The following SLC39A11 variants were observed in gnomAD, a reference collection of about 807,000 sequenced individuals.
The protein encoded by SLC39A11 is solute carrier family 39 member 11, also known as zinc transporter ZIP11.
In SLC39A11, 33 loss-of-function variants were observed where a neutral mutation model predicts 36.1. The ratio of observed to expected loss-of-function variants is 0.91; its 90% CI spans 0.69 to 1.22. The LOEUF is 1.22. SLC39A11 is among the 50% of genes most tolerant of loss of function. The pLI is 0.00. For missense variants in SLC39A11, 432 were observed against 430.3 expected, an observed-to-expected ratio of 1.00 and a Z score of -0.03; for synonymous variants, 166 against 170.3, an observed-to-expected ratio of 0.97 and a Z score of 0.20.
At chr17:73,055,521 T>A (rs1281355305) in intron 3 of SLC39A11, among the ~76,000 whole-genome samples, 2 of 150,798 alleles carry the variant, frequency 1.3e-5, no homozygotes, top group African/African-American at 4.9e-5. Context: ...AGCCTCAACC[T>A]CCCGGGCTCA....
intron 7 of SLC39A11, among the ~76,000 whole-genome samples, chr17:72,659,574 CTTTTTTTTTTTT>C (rs34383683): frequency 3.3e-5 from 2 of 61,176 alleles, no homozygotes; most frequent in African/African-American, 1.2e-4. Context: ...CTCTGTGACT[CTTTTTTTTTTTT>C]TTTTTTTTTT....
At position 72,683,675 on chromosome 17, in the gene SLC39A11, A is replaced by G. The variant is rs140812651; in HGVS notation, c.672-34407T>C. On this transcript the variant is annotated intron_variant, in intron 7 of 9. Coordinates refer to ENST00000255559, the MANE Select transcript of SLC39A11 (RefSeq NM_139177.4). Reference sequence around the variant, plus strand: ...GAGGTCAACAGGGGATTACACACCCAATACTTGTGCCATAAAAGCTCCAAC... The same window carrying G: ...GAGGTCAACAGGGGATTACACACCCGATACTTGTGCCATAAAAGCTCCAAC... Among the ~76,000 whole-genome samples, 171 of 152,112 alleles carry G rather than the reference A, an allele frequency of 1.1e-3. 1 individual carries two copies. Among genetic ancestry groups the G allele is most frequent in the African/African-American group, 4.0e-3 (166 of 41,494 alleles).
chr17:72,893,782 G>C lies in SLC39A11; in HGVS notation c.431-43978C>G. Among the ~76,000 whole-genome samples, 2 of 152,186 alleles carry C rather than the reference G, an allele frequency of 1.3e-5. 1 individual carries two copies. On this transcript the variant is annotated intron_variant, in intron 5 of 9. Coordinates refer to ENST00000255559, the MANE Select transcript of SLC39A11 (RefSeq NM_139177.4). ...TATTCTAATAGGGTCCTAGGAAGAA[G>C]AGGGCTAAAGACACCAAGGAGGCTG...
At chr17:72,680,608 G>A (rs976002527) in intron 7 of SLC39A11, among the ~76,000 whole-genome samples, 3 of 152,198 alleles carry the variant, frequency 2.0e-5, no homozygotes, top group African/African-American at 7.2e-5. Context: ...ATGTGGAACT[G>A]TGAGTCCATT....
intron 5 of SLC39A11, among the ~76,000 whole-genome samples, chr17:72,882,215 G>A (rs1228746928): frequency 1.3e-5 from 2 of 152,032 alleles, no homozygotes; most frequent in South Asian, 4.2e-4. Flanking sequence ...CTGTAGCCAG[G>A]CATGGTGGTG....
At chr17:72,785,013 A>C (rs1308627833) in intron 6 of SLC39A11, among the ~76,000 whole-genome samples, 1 of 151,894 alleles carries the variant, frequency 6.6e-6, no homozygotes, top group Non-Finnish European at 1.5e-5. Flanking sequence ...GTACGCAGGC[A>C]TGCGCCCCCA....
chr17:73,046,136 T>C (rs2059282190), intron 3 of SLC39A11, among the ~76,000 whole-genome samples: 1 of 152,122 alleles, frequency 6.6e-6, no homozygotes, highest in Non-Finnish European at 1.5e-5. Context: ...CCTTCACTCA[T>C]CTCCCTCAAG....
chr17:73,036,935 A>C (rs1031738472), intron 3 of SLC39A11, among the ~76,000 whole-genome samples: 2 of 152,052 alleles, frequency 1.3e-5, no homozygotes, highest in Non-Finnish European at 2.9e-5. Context: ...CACTGTCTCT[A>C]TAGTTTTGCC....
intron 6 of SLC39A11, among the ~76,000 whole-genome samples, chr17:72,762,926 A>T (rs1453664780): frequency 6.6e-6 from 1 of 152,164 alleles, no homozygotes; most frequent in East Asian, 1.9e-4. Context: ...AGACCCACGT[A>T]GACCATTTGG....
chr17:73,055,786 G>A (rs972423411), intron 3 of SLC39A11, among the ~76,000 whole-genome samples: 4 of 152,124 alleles, frequency 2.6e-5, no homozygotes, highest in Middle Eastern at 3.4e-3. Context: ...GCAGCTGAGC[G>A]TCAGTCAATC....
Position 72,739,567 on chromosome 17 carries a change from T to C in SLC39A11, c.602-2848A>G, listed in dbSNP as rs572548324. ...TCAGCCACTGTGACTCCTGGGCCAC[T>C]GTCAGATTCAGAAGCCAGGTAGTCA... On this transcript the variant is annotated intron_variant, in intron 6 of 9. Transcript: ENST00000255559. 4.6e-5 allele frequency among the ~76,000 whole-genome samples: 7 copies of C among 152,334 alleles called. No homozygotes were observed. In the South Asian group the frequency reaches 1.4e-3, roughly 32 times the overall value.
At chr17:73,087,146 C>A (rs1489534889) in intron 2 of SLC39A11, among the ~76,000 whole-genome samples, 1 of 152,146 alleles carries the variant, frequency 6.6e-6, no homozygotes, top group Admixed American at 6.5e-5. Context: ...TGGCCCCTGG[C>A]AATCACCATT....
intron 5 of SLC39A11, among the ~76,000 whole-genome samples, chr17:72,876,197 C>A (rs1438689387): frequency 6.6e-6 from 1 of 152,070 alleles, no homozygotes; most frequent in Non-Finnish European, 1.5e-5. Flanking sequence ...TGCCCAAAAG[C>A]CTCCATCAAG....
chr17:72,985,052 G>C (rs9894611), intron 4 of SLC39A11, among the ~76,000 whole-genome samples: 78,657 of 151,938 alleles, frequency 0.52, 21,294 homozygotes, highest in Middle Eastern at 0.69. Context: ...AGGAGGCCCA[G>C]CCGGGCTAGA....
intron 3 of SLC39A11, among the ~76,000 whole-genome samples, chr17:73,036,987 C>T (rs547679598): frequency 7.1e-6 from 1 of 141,394 alleles, no homozygotes; most frequent in African/African-American, 2.6e-5. Context: ...CAGCATGGAA[C>T]CTTTCCAGAT....
chr17:72,708,898 G>A (rs567865636), intron 7 of SLC39A11, among the ~76,000 whole-genome samples: 3 of 151,990 alleles, frequency 2.0e-5, no homozygotes, highest in South Asian at 4.2e-4. Flanking sequence ...TTTGCCTTTG[G>A]CTCTGTTTTC....
rs1425358899 is a variant in SLC39A11 at position 73,047,991 on chromosome 17, ATATATATATATATATAT to A, written c.148-16294_148-16278del. 5.1e-3 allele frequency among the ~76,000 whole-genome samples: 183 copies of A among 35,938 alleles called. 2 individuals carry two copies. The highest frequency in any genetic ancestry group is 5.7e-3 in the African/African-American group (53 of 9,304). 23.6% of individuals were successfully genotyped at this position (35,938 alleles called of 152,430 possible). On this transcript the variant is annotated intron_variant, in intron 3 of 9. Coordinates refer to ENST00000255559, the MANE Select transcript of SLC39A11 (RefSeq NM_139177.4). ...CAAAAAAAAAAAAAAAAAAAAAAAA[ATATATATATATATATAT>A]ATATATATATATATATATCATGTAT...
At chr17:72,952,165 A>G (rs906234479) in intron 4 of SLC39A11, among the ~76,000 whole-genome samples, 1 of 152,168 alleles carries the variant, frequency 6.6e-6, no homozygotes, top group African/African-American at 2.4e-5. Context: ...TCTCCGGAGT[A>G]ATGCCAAGGA....
rs149908491 is a variant in SLC39A11, at chr17:72,778,764, C to T, written c.602-42045G>A. The stretch of plus-strand genomic sequence containing the variant: ...CTTTGCTATCTCTTAGTTGTCCCTA[C>T]GCTGAGCAAGACCTTTTCCCTTCCA... On this transcript the variant is annotated intron_variant, in intron 6 of 9. Transcript: ENST00000255559. Among the ~76,000 whole-genome samples, 97 of 152,324 alleles carry T rather than the reference C, an allele frequency of 6.4e-4. 2 individuals are homozygous for T. Among genetic ancestry groups the T allele is most frequent in the African/African-American group, 2.1e-3 (89 of 41,568 alleles).
Sources: allele counts gnomAD v4.1 joint callset (sites outside exome capture counted in the v4.1 genomes callset), GRCh38; gene constraint gnomAD v4.1.1; transcripts MANE v1.5; gene names NCBI Gene and HGNC (gene_info 2026-07-23, HGNC 2026-07-21).